TRUB1: variants seen among roughly 807,000 people sequenced by gnomAD.
TRUB1 encodes TruB pseudouridine synthase family member 1, also known as pseudouridylate synthase TRUB1.
In TRUB1, 23 loss-of-function variants were observed where a neutral mutation model predicts 33.9. The observed-to-expected ratio is 0.68, with a 90% CI of 0.49 to 0.96. TRUB1 has a LOEUF of 0.96. TRUB1 is among the 40% of genes least tolerant of loss of function. The pLI, the probability that TRUB1 is intolerant of heterozygous loss-of-function variation, is 0.00. For synonymous variants in TRUB1, 163 were observed against 165.4 expected, an observed-to-expected ratio of 0.99 and a Z score of 0.11; for missense variants, 378 against 422.2, an observed-to-expected ratio of 0.90 and a Z score of 0.92.
rs776477337 is a variant in TRUB1 at position 114,942,747 on chromosome 10, A to G, written c.385+4A>G. 5.1e-5 allele frequency: 82 copies of G among 1,600,936 alleles called. No individual in the cohort carries two copies. Among genetic ancestry groups the G allele is most frequent in the Non-Finnish European group, 6.9e-5 (81 of 1,168,374 alleles). On this transcript the variant is annotated splice_donor_region_variant and intron_variant, in intron 2 of 7. Transcript: ENST00000298746. ...AGCGCAGCCCGAGGAGTTCTGGGTAAGAGATATGAAAGGCAGTTAAGTGTC... is the reference window on the plus strand; with the variant it reads ...AGCGCAGCCCGAGGAGTTCTGGGTAGGAGATATGAAAGGCAGTTAAGTGTC...
chr10:114,974,985 T>C lies in TRUB1; in HGVS notation c.794-138T>C. On this transcript the variant is annotated intron_variant, in intron 7 of 7. Transcript: ENST00000298746. ...AATCATTTCTTTATCTGAGGCCTCT[T>C]GGTTCTTATATTGGATTATTATACT... 5 of 962,484 alleles carry C rather than the reference T, an allele frequency of 5.2e-6. No homozygotes were observed. The South Asian group carries it at 1.1e-4, about 20-fold the overall frequency. 59.6% of individuals were successfully genotyped at this position (962,484 alleles called of 1,614,324 possible). A position where few individuals can be genotyped will look rare whatever the true frequency, so the allele number is the denominator to read the frequency against.
At position 114,960,993 on chromosome 10, in the gene TRUB1, G is replaced by A. The variant is rs115629775; in HGVS notation, c.523+1186G>A. 9.3e-3 allele frequency among the ~76,000 whole-genome samples: 1,413 copies of A among 152,194 alleles called. 22 individuals are homozygous for A. Among genetic ancestry groups the A allele is most frequent in the African/African-American group, 0.032 (1,334 of 41,514 alleles). ...TGGGGTAATATAATTAAGGCTGGGGGGTGTGGGTACCACGTGGTGAAAAAT... is the reference window on the plus strand; with the variant it reads ...TGGGGTAATATAATTAAGGCTGGGGAGTGTGGGTACCACGTGGTGAAAAAT... On this transcript the variant is annotated intron_variant, in intron 4 of 7. Transcript: ENST00000298746.
At chr10:114,975,013 T>C (rs1042046406) in intron 7 of TRUB1, 110 bp from the exon 8 acceptor site, 2 of 1,260,470 alleles carry the variant, frequency 1.6e-6, no homozygotes, top group East Asian at 2.4e-5. Context: ...ATTATACTTT[T>C]GGGTGGTTTT....
In TRUB1 at chr10:114,974,381, A is replaced by G. The variant is rs1033517464; in HGVS notation, c.789A>G (p.Gly263=). 60 of 1,610,572 alleles carry G rather than the reference A, an allele frequency of 3.7e-5. No individual in the cohort carries two copies. Among genetic ancestry groups the G allele is most frequent in the Non-Finnish European group, 4.9e-5 (58 of 1,177,330 alleles). The change falls in exon 7 of 8, where the codon GGA becomes GGG. Residue 263 remains glycine (G), a synonymous_variant. Transcript: ENST00000298746. ...TCAGAAGCTTGGTCAGTGACATTGG[A>G]AAAGGTAAGCATAAAAATGAATTAT... ...FYIRSLVSDI[G]KELSSCANVL...
At chr10:114,954,243 G>A (rs1044789542) in intron 3 of TRUB1, among the ~76,000 whole-genome samples, 2 of 152,248 alleles carry the variant, frequency 1.3e-5, no homozygotes, top group African/African-American at 4.8e-5. Context: ...GTTCTAGGAT[G>A]GCAAATATTC....
At chr10:114,941,543 G>C (rs1310678587) in intron 1 of TRUB1, among the ~76,000 whole-genome samples, 2 of 151,956 alleles carry the variant, frequency 1.3e-5, no homozygotes, top group African/African-American at 4.8e-5. Context: ...GGGTTTCCCT[G>C]TGTTGCCTAG....
chr10:114,938,546 C>A lies in TRUB1; in HGVS notation c.286+7C>A. The A allele has an allele frequency of 6.6e-7, 1 of 1,522,110 alleles. No homozygotes were observed. The highest frequency in any genetic ancestry group is 8.8e-7 in the Non-Finnish European group (1 of 1,137,868). The allele number at this position is 1,522,110 out of a possible 1,614,324, so 94.3% of individuals were successfully genotyped here. ...AAGGAGAAGCTGCTGGCAGGTACTGCAGCCCGGGTGGGGACCAGGCTGAGG... is the reference window on the plus strand; with the variant it reads ...AAGGAGAAGCTGCTGGCAGGTACTGAAGCCCGGGTGGGGACCAGGCTGAGG... On this transcript the variant is annotated splice_region_variant and intron_variant, in intron 1 of 7. Transcript: ENST00000298746.
chr10:114,938,280 G>T lies in TRUB1; in HGVS notation c.27G>T (p.Val9=). 2 of 1,614,214 alleles carry T rather than the reference G, an allele frequency of 1.2e-6. No homozygotes were observed. Among genetic ancestry groups the T allele is most frequent in the Non-Finnish European group, 1.7e-6 (2 of 1,180,034 alleles). Residue 9 remains valine, a synonymous_variant, in exon 1 of 8, where the codon GTG becomes GTT. Coordinates refer to ENST00000298746, the MANE Select transcript of TRUB1 (RefSeq NM_139169.5). MAASEAAV[V]SSPSLKTDTS... ...TGGCCGCTTCTGAGGCGGCGGTGGTGTCTTCGCCGTCTTTGAAAACAGACA... is the reference window on the plus strand; with the variant it reads ...TGGCCGCTTCTGAGGCGGCGGTGGTTTCTTCGCCGTCTTTGAAAACAGACA...
Position 114,939,611 on chromosome 10 carries a change from T to C in TRUB1, c.286+1072T>C, listed in dbSNP as rs74159815. On this transcript the variant is annotated intron_variant, in intron 1 of 7. Transcript: ENST00000298746. ...ACAGATTTAAGTGTTTATGGGCAAATAGGTACACTCCTGCAGATGTTTAAT... is the reference window on the plus strand; with the variant it reads ...ACAGATTTAAGTGTTTATGGGCAAACAGGTACACTCCTGCAGATGTTTAAT... 3.9e-3 allele frequency among the ~76,000 whole-genome samples: 601 copies of C among 152,298 alleles called. 2 individuals carry two copies. Among genetic ancestry groups the C allele is most frequent in the African/African-American group, 0.014 (581 of 41,564 alleles).
chr10:114,942,706 T>C lies in TRUB1; in HGVS notation c.348T>C (p.His116=), dbSNP rs1211595664. 1.9e-5 allele frequency: 31 copies of C among 1,613,974 alleles called. No individual in the cohort carries two copies. The highest frequency in any genetic ancestry group is 5.0e-5 in the Admixed American group (3 of 60,006). ...AAAAGCAGACTTTGAAAATTGGGCA[T>C]GGAGGGACTCTAGACAGCGCAGCCC... ...KRKKQTLKIG[H]GGTLDSAARG... Residue 116 remains histidine (H), a synonymous_variant, in exon 2 of 8, where the codon CAT becomes CAC. Transcript: ENST00000298746.
At chr10:114,953,234 T>G (rs1592050311) in intron 3 of TRUB1, among the ~76,000 whole-genome samples, 1 of 152,226 alleles carries the variant, frequency 6.6e-6, no homozygotes, top group Non-Finnish European at 1.5e-5. Flanking sequence ...GAAAGCTGAA[T>G]GTCATACAGT....
Position 114,938,535 on chromosome 10 carries a change from G to T in TRUB1, c.282G>T (p.Leu94=). ...ELLNRLKEKL[L]AEAGMPSPEW... ...TGAATCGGTTGAAGGAGAAGCTGCTGGCAGGTACTGCAGCCCGGGTGGGGA... is the reference window on the plus strand; with the variant it reads ...TGAATCGGTTGAAGGAGAAGCTGCTTGCAGGTACTGCAGCCCGGGTGGGGA... The change falls in exon 1 of 8, where the codon CTG becomes CTT. Residue 94 remains leucine, a synonymous_variant. Transcript: ENST00000298746. 6.5e-7 allele frequency: 1 copy of T among 1,530,732 alleles called. No homozygotes were observed. The highest frequency in any genetic ancestry group is 8.8e-7 in the Non-Finnish European group (1 of 1,141,744). 94.8% of individuals were successfully genotyped at this position (1,530,732 alleles called of 1,614,324 possible).
rs2084168941 is a variant in TRUB1 at position 114,938,336 on chromosome 10, T to C, written c.83T>C (p.Val28Ala). ...TSPVLETAGTVAAMAATPSAR... is the reference protein window; with the variant it reads ...TSPVLETAGTAAAMAATPSAR... ...CCTGTCCTTGAAACTGCAGGAACGG[T>C]CGCAGCAATGGCTGCGACCCCGTCA... The change falls in exon 1 of 8, where the codon GTC becomes GCC. Residue 28 changes from valine to alanine, a missense_variant. Physicochemically the swap from Val to Ala is moderately conservative, Grantham distance 64. Transcript: ENST00000298746. 2 of 1,611,962 alleles carry C rather than the reference T, an allele frequency of 1.2e-6. No individual in the cohort carries two copies. The highest frequency in any genetic ancestry group is 3.4e-5 in the Admixed American group (2 of 59,670).
intron 7 of TRUB1, among the ~76,000 whole-genome samples, chr10:114,974,837 A>G (rs1453531048): frequency 6.6e-6 from 1 of 152,166 alleles, no homozygotes; most frequent in Non-Finnish European, 1.5e-5. Flanking sequence ...TCATCTGTAA[A>G]GTGCGGCTAA....
chr10:114,974,272 TG>T, intron 6 of TRUB1, 56 bp from the exon 7 acceptor site: 1 of 1,310,048 alleles, frequency 7.6e-7, no homozygotes, highest in Non-Finnish European at 1.1e-6. Flanking sequence ...ATCATTTCTA[TG>T]TAAAGTGGAT....
At chr10:114,942,153 G>A (rs761852057) in intron 1 of TRUB1, among the ~76,000 whole-genome samples, 62 of 152,134 alleles carry the variant, frequency 4.1e-4, no homozygotes, top group Non-Finnish European at 7.5e-4. Context: ...GGGAGTTTGG[G>A]AATTTAGTGT....
chr10:114,969,076 T>C lies in TRUB1; in HGVS notation c.524-1292T>C, dbSNP rs547175075. ...AGTATGAAAATTCTAAATTTCAGTA[T>C]ATCATAGATTTTAGTTTTTAAAATT... On this transcript the variant is annotated intron_variant, in intron 4 of 7. Coordinates refer to ENST00000298746, the MANE Select transcript of TRUB1 (RefSeq NM_139169.5). Among the ~76,000 whole-genome samples, 130 of 152,060 alleles carry C rather than the reference T, an allele frequency of 8.5e-4. 5 individuals carry two copies. The South Asian group carries it at 0.027, about 31-fold the overall frequency.
rs995873834 is a variant in TRUB1, at chr10:114,975,602, G to T, written c.*223G>T. 3.3e-5 allele frequency: 12 copies of T among 361,602 alleles called. No homozygotes were observed. The highest frequency in any genetic ancestry group is 9.9e-6 in the Non-Finnish European group (2 of 202,976). The allele number at this position is 361,602 out of a possible 1,614,324, so 22.4% of individuals were successfully genotyped here. A position where few individuals can be genotyped will look rare whatever the true frequency, so the allele number is the denominator to read the frequency against. ...GTTTGTTGTGTTGTGAAATGTTTTA[G>T]GATTTTTTGTATTGTGAAAATATGA... On this transcript the variant is annotated 3_prime_UTR_variant, in exon 8 of 8. Transcript: ENST00000298746.
Position 114,938,486 on chromosome 10 carries a change from A to G in TRUB1, c.233A>G (p.Lys78Arg), listed in dbSNP as rs778152731. The G allele has an allele frequency of 2.5e-5, 39 of 1,584,130 alleles. No individual in the cohort carries two copies. Among genetic ancestry groups the G allele is most frequent in the African/African-American group, 5.4e-5 (4 of 73,656 alleles). The change falls in exon 1 of 8, where the codon AAA (lysine) becomes AGA (arginine). Residue 78 changes from lysine to arginine, a missense_variant. Lys to Arg is a conservative substitution (Grantham distance 26). Transcript: ENST00000298746. Reference protein sequence around the residue: ...LSGVFAVHKPKGPTSAELLNR... With the variant: ...LSGVFAVHKPRGPTSAELLNR... ...GGCGTGTTCGCCGTGCACAAGCCCA[A>G]AGGGCCCACTTCAGCCGAGCTGCTG... is the stretch of plus-strand genomic sequence containing the variant.
Sources: gnomAD v4.1 joint callset for allele counts (sites outside exome capture counted in the v4.1 genomes callset) on GRCh38, gnomAD v4.1.1 for gene constraint, MANE v1.5 for transcripts, NCBI Gene and HGNC (gene_info 2026-07-23, HGNC 2026-07-21) for gene names.